Variants in SLC9A9 observed in about 807,000 individuals in gnomAD.
The protein encoded by SLC9A9 is sodium/hydrogen exchanger 9.
SLC9A9 carries 62 observed loss-of-function variants against 77.8 expected under a neutral mutation model. The observed-to-expected ratio is 0.80, with a 90% confidence interval of 0.65 to 0.98. The LOEUF (loss-of-function observed/expected upper bound fraction) is 0.98. Ranked by LOEUF, SLC9A9 falls within the 50% of genes least tolerant of loss-of-function variation. SLC9A9 has a pLI of 0.00. For synonymous variants in SLC9A9, 320 were observed against 283.5 expected (o/e 1.13, Z -1.29); for missense variants, 775 against 774.9 (o/e 1.00, Z 0.00).
At chr3:143,843,603 G>A (rs2009760836) in intron 1 of SLC9A9, among the ~76,000 whole-genome samples, 1 of 152,154 alleles carries the variant, frequency 6.6e-6, no homozygotes, top group African/African-American at 2.4e-5. Flanking sequence ...CTATGGGAAG[G>A]CCAGGAAGTC....
At chr3:143,652,148 T>C (rs1475281946) in intron 6 of SLC9A9, 107 bp downstream of exon 6, 5 of 911,772 alleles carry the variant, frequency 5.5e-6, no homozygotes, top group Non-Finnish European at 7.0e-6. Context: ...AACAATTCCT[T>C]GAAAAAAGCT....
intron 8 of SLC9A9, among the ~76,000 whole-genome samples, chr3:143,562,122 T>C (rs75500385): frequency 0.013 from 1,918 of 152,308 alleles, 46 homozygotes; most frequent in African/African-American, 0.044. Context: ...GCACTGACCA[T>C]GGGTATGAGG....
intron 4 of SLC9A9, among the ~76,000 whole-genome samples, chr3:143,777,595 C>G (rs781306866): frequency 6.6e-6 from 1 of 151,900 alleles, no homozygotes; most frequent in Non-Finnish European, 1.5e-5. Flanking sequence ...TGAAATGCAC[C>G]TACCATGAGA....
intron 9 of SLC9A9, among the ~76,000 whole-genome samples, chr3:143,546,907 A>G (rs1159948763): frequency 1.3e-5 from 2 of 152,306 alleles, no homozygotes; most frequent in Middle Eastern, 3.4e-3. Context: ...TTGTTGATAC[A>G]GGAGGTTTCC....
At chr3:143,471,082 T>C (rs1000846065) in intron 11 of SLC9A9, among the ~76,000 whole-genome samples, 5 of 152,228 alleles carry the variant, frequency 3.3e-5, no homozygotes, top group Non-Finnish European at 7.3e-5. Context: ...CTCAATGTTA[T>C]AACCACCTAA....
intron 6 of SLC9A9, among the ~76,000 whole-genome samples, chr3:143,610,173 AG>A (rs992335249): frequency 6.6e-6 from 1 of 151,878 alleles, no homozygotes; most frequent in Non-Finnish European, 1.5e-5. Context: ...ATTTGAGAAA[AG>A]GTCTCTCTCT....
chr3:143,330,894 T>C (rs568104325), intron 14 of SLC9A9, among the ~76,000 whole-genome samples: 1 of 152,374 alleles, frequency 6.6e-6, no homozygotes, highest in Admixed American at 6.5e-5. Context: ...CTATATTAGA[T>C]ATTCCATTTA....
chr3:143,684,401 C>T (rs943315861), intron 5 of SLC9A9, among the ~76,000 whole-genome samples: 2 of 152,004 alleles, frequency 1.3e-5, no homozygotes, highest in African/African-American at 4.8e-5. Context: ...AAATCATGGA[C>T]TGTATTTTCC....
At chr3:143,390,344 G>C (rs2033528406) in intron 12 of SLC9A9, among the ~76,000 whole-genome samples, 1 of 152,232 alleles carries the variant, frequency 6.6e-6, no homozygotes, top group Admixed American at 6.5e-5. Flanking sequence ...CTGAACGGCT[G>C]TTCCTATCAC....
rs1375668711 is a variant in SLC9A9 at position 143,519,478 on chromosome 3, C to A, written c.1090-24030G>T. Among the ~76,000 whole-genome samples the A allele has an allele frequency of 2.0e-5, 3 of 152,098 alleles. No homozygotes were observed. In the East Asian group the frequency reaches 5.8e-4, roughly 29 times the overall value. ...AGGAGATAAGTGTGGGAATCAGGAACCAGGTGACCTAGGAATGTACAAGAC... is the reference window on the plus strand; with the variant it reads ...AGGAGATAAGTGTGGGAATCAGGAAACAGGTGACCTAGGAATGTACAAGAC... On this transcript the variant is annotated intron_variant, in intron 9 of 15. Transcript: ENST00000316549.
intron 14 of SLC9A9, among the ~76,000 whole-genome samples, chr3:143,292,498 C>T (rs762211403): frequency 1.3e-4 from 20 of 152,074 alleles, no homozygotes; most frequent in Middle Eastern, 3.4e-3. Context: ...GTTTTTTTCG[C>T]GATGTCCTAT....
intron 11 of SLC9A9, among the ~76,000 whole-genome samples, chr3:143,471,280 T>C (rs1393088348): frequency 1.3e-5 from 2 of 152,174 alleles, no homozygotes; most frequent in African/African-American, 4.8e-5. Context: ...TACCCATCCT[T>C]TGTGACTCTG....
At chr3:143,688,000 CCCTCTCTCCCTT>C (rs1933328773) in intron 5 of SLC9A9, among the ~76,000 whole-genome samples, 1 of 151,826 alleles carries the variant, frequency 6.6e-6, no homozygotes, top group African/African-American at 2.4e-5. Flanking sequence ...CTTCCCTCCT[CCCTCTCTCCCTT>C]CCTCTCTCTT....
At chr3:143,781,200 A>G (rs1017326390) in intron 4 of SLC9A9, among the ~76,000 whole-genome samples, 1 of 152,210 alleles carries the variant, frequency 6.6e-6, no homozygotes, top group Non-Finnish European at 1.5e-5. Context: ...ACTCTTGCTT[A>G]AGAATGCTAA....
At chr3:143,679,946 A>G (rs902870696) in intron 5 of SLC9A9, among the ~76,000 whole-genome samples, 2 of 152,182 alleles carry the variant, frequency 1.3e-5, no homozygotes, top group Admixed American at 6.5e-5. Context: ...TAAATAGGAT[A>G]ATGGATACAA....
chr3:143,848,032 A>T, intron 1 of SLC9A9, 116 bp downstream of exon 1: 2 of 1,065,700 alleles, frequency 1.9e-6, no homozygotes, highest in Non-Finnish European at 2.9e-6. Flanking sequence ...TCATCAAACT[A>T]ATGACATTTC....
intron 3 of SLC9A9, among the ~76,000 whole-genome samples, chr3:143,795,305 C>G (rs1458508870): frequency 7.0e-6 from 1 of 143,392 alleles, no homozygotes; most frequent in Non-Finnish European, 1.5e-5. Flanking sequence ...AAAAAACCCA[C>G]TGGAAGATGA....
chr3:143,392,766 C>A (rs1257759043), intron 12 of SLC9A9, among the ~76,000 whole-genome samples: 1 of 152,050 alleles, frequency 6.6e-6, no homozygotes, highest in South Asian at 2.1e-4. Flanking sequence ...ATCTACCAAG[C>A]AAATGGAAAA....
intron 11 of SLC9A9, among the ~76,000 whole-genome samples, chr3:143,475,266 C>T (rs139281003): frequency 5.7e-4 from 87 of 151,828 alleles, no homozygotes; most frequent in African/African-American, 1.9e-3. Context: ...TGTGCCTGGC[C>T]GTTTGTTTTT....
Sources: allele counts gnomAD v4.1 joint callset (sites outside exome capture counted in the v4.1 genomes callset), GRCh38; gene constraint gnomAD v4.1.1; transcripts MANE v1.5; gene names NCBI Gene and HGNC (gene_info 2026-07-23, HGNC 2026-07-21).